Variants in AHRR observed in about 807,000 individuals in gnomAD.
AHRR encodes ahR repressor.
A neutral mutation model predicts 44.0 loss-of-function variants in AHRR; 28 were observed. That is an observed-to-expected ratio of 0.64 (90% CI 0.47 to 0.87). AHRR has a LOEUF of 0.87. Among genes scored for constraint, AHRR ranks in the 40% least tolerant of loss-of-function variants. AHRR has a pLI of 0.00. For missense variants in AHRR, 990 were observed against 953.9 expected, an observed-to-expected ratio of 1.04 and a Z score of -0.50; for synonymous variants, 434 against 407.0, an observed-to-expected ratio of 1.07 and a Z score of -0.80.
intron 8 of AHRR, among the ~76,000 whole-genome samples, chr5:428,655 T>C (rs939741924): frequency 6.6e-6 from 1 of 152,274 alleles, no homozygotes; most frequent in Admixed American, 6.5e-5. Context: ...TCACTATGCA[T>C]TTCATTTCTG....
chr5:367,885 C>T, intron 3 of AHRR: 1 of 702,580 alleles, frequency 1.4e-6, no homozygotes. Flanking sequence ...GTTCAGGAGG[C>T]CCCGAGCATT....
chr5:353,960 T>G (rs1742955381), intron 3 of AHRR, 49 bp downstream of exon 3: 1 of 1,558,828 alleles, frequency 6.4e-7, no homozygotes, highest in East Asian at 2.2e-5. Flanking sequence ...AGGCTGTGTC[T>G]CCCCTGAGTC....
At chr5:329,099 T>A (rs1406044556) in intron 1 of AHRR, among the ~76,000 whole-genome samples, 2 of 152,206 alleles carry the variant, frequency 1.3e-5, no homozygotes, top group African/African-American at 2.4e-5. Context: ...GATGGTTTGA[T>A]AAATGGTAGT....
rs76171166 is a variant in AHRR at position 424,010 on chromosome 5, G to A, written c.708+33G>A. 9,244 of 1,583,010 alleles carry A rather than the reference G, an allele frequency of 5.8e-3. 356 individuals are homozygous for A. In the African/African-American group the frequency reaches 0.094, roughly 16 times the overall value. On this transcript the variant is annotated intron_variant, in intron 7 of 10. Coordinates refer to ENST00000684583, the MANE Select transcript of AHRR (RefSeq NM_001377236.1). ...CGTGGGTCCCTGGCAGGGGGCTCCCGACATCTGGGATGCATTCTACCCTGG... is the reference window on the plus strand; with the variant it reads ...CGTGGGTCCCTGGCAGGGGGCTCCCAACATCTGGGATGCATTCTACCCTGG...
Position 338,232 on chromosome 5 carries a change from T to C in AHRR, c.-10-5661T>C, listed in dbSNP as rs1219154052. 2.0e-5 allele frequency among the ~76,000 whole-genome samples: 3 copies of C among 152,194 alleles called. No individual in the cohort carries two copies. Among genetic ancestry groups the C allele is most frequent in the Non-Finnish European group, 4.4e-5 (3 of 68,026 alleles). On this transcript the variant is annotated intron_variant, in intron 1 of 10. Transcript: ENST00000684583. The surrounding 1 kb of genome is among the most constrained non-coding windows in gnomAD (Gnocchi z 4.1). ...AACAAATTATGCATATTTCACCCTC[T>C]AGTAGTCAGTTCTTGCGCTTTTTGT...
At chr5:413,918 T>G (rs1276363675) in intron 5 of AHRR, among the ~76,000 whole-genome samples, 1 of 152,158 alleles carries the variant, frequency 6.6e-6, no homozygotes, top group African/African-American at 2.4e-5. Context: ...GGTTGAGGCC[T>G]CGTCAGATAC....
chr5:373,679 C>T (rs1387237901), intron 3 of AHRR, among the ~76,000 whole-genome samples: 5 of 151,672 alleles, frequency 3.3e-5, no homozygotes, highest in Non-Finnish European at 7.4e-5. Context: ...GGGGCGGACC[C>T]TCAGGTGGGA....
chr5:424,800 T>G (rs1481215249), intron 7 of AHRR, among the ~76,000 whole-genome samples: 2 of 152,174 alleles, frequency 1.3e-5, no homozygotes, highest in Non-Finnish European at 2.9e-5. Flanking sequence ...GGGTTTTCAC[T>G]TCTGCTATTT....
At chr5:403,695 T>TTTC (rs1553986319) in intron 4 of AHRR, 3 of 793,494 alleles carry the variant, frequency 3.8e-6, no homozygotes, top group East Asian at 5.0e-5. Context: ...TTTTTTTTTT[T>TTTC]ACTTTCTCTC....
rs1560888833 is a variant in AHRR at position 353,912 on chromosome 5, G to A, written c.244+1G>A. ...CTCCGGGTGAAGAGCTTCTTCCAAG[G>A]TAGGACTCTCACCTGCTCCCACCTG... On this transcript the variant is annotated splice_donor_variant, in intron 3 of 10. Coordinates refer to ENST00000684583, the MANE Select transcript of AHRR (RefSeq NM_001377236.1). LOFTEE classifies it high-confidence loss of function. The A allele has an allele frequency of 6.2e-7, 1 of 1,611,900 alleles. No individual in the cohort carries two copies. Among genetic ancestry groups the A allele is most frequent in the Non-Finnish European group, 8.5e-7 (1 of 1,178,718 alleles).
intron 4 of AHRR, among the ~76,000 whole-genome samples, chr5:403,151 T>A (rs985112533): frequency 4.6e-5 from 7 of 151,922 alleles, no homozygotes; most frequent in African/African-American, 1.7e-4. Context: ...TCAGATGAGG[T>A]CCCCAGTGTA....
At chr5:426,420 A>G (rs1351570985) in intron 7 of AHRR, among the ~76,000 whole-genome samples, 2 of 124,826 alleles carry the variant, frequency 1.6e-5, no homozygotes, top group Admixed American at 1.7e-4. Context: ...GGTTGGATAG[A>G]TGGGAAGATG....
intron 3 of AHRR, among the ~76,000 whole-genome samples, chr5:359,538 C>CAAA (rs1042773033): frequency 1.3e-5 from 2 of 152,184 alleles, no homozygotes; most frequent in Non-Finnish European, 2.9e-5. Context: ...GTACCAAAAA[C>CAAA]AAAGTAGGGA....
chr5:343,966 TA>T lies in AHRR; in HGVS notation c.62+5del, dbSNP rs749240530. On this transcript the variant is annotated splice_donor_region_variant and intron_variant, in intron 2 of 10. Coordinates refer to ENST00000684583, the MANE Select transcript of AHRR (RefSeq NM_001377236.1). ...GCGGAGGAGGCCCCTGCAGAAACAG[TA>T]AAGTATCCCGCCTTCTGCTTGTGTG... 1.3e-6 allele frequency: 2 copies of T among 1,595,194 alleles called. No individual in the cohort carries two copies. The highest frequency in any genetic ancestry group is 1.7e-4 in the Middle Eastern group (1 of 6,010).
intron 1 of AHRR, among the ~76,000 whole-genome samples, chr5:329,857 A>G (rs1466517059): frequency 6.6e-6 from 1 of 152,130 alleles, no homozygotes; most frequent in Admixed American, 6.6e-5. Context: ...CAAATCTAAG[A>G]GTTTTTTTGG....
chr5:385,468 C>T (rs2671906), intron 4 of AHRR, among the ~76,000 whole-genome samples: 2,140 of 152,284 alleles, frequency 0.014, 54 homozygotes, highest in African/African-American at 0.05. Context: ...AACCACCATG[C>T]CCAGCTTCGC....
intron 2 of AHRR, among the ~76,000 whole-genome samples, chr5:349,363 G>A (rs1488289845): frequency 6.6e-6 from 1 of 152,136 alleles, no homozygotes; most frequent in Non-Finnish European, 1.5e-5. Flanking sequence ...GGACCACAAG[G>A]TCAGGAGATC....
intron 5 of AHRR, among the ~76,000 whole-genome samples, chr5:415,679 G>A (rs1019193806): frequency 2.7e-5 from 4 of 149,608 alleles, no homozygotes; most frequent in South Asian, 2.1e-4. Flanking sequence ...CTGCCTGGTC[G>A]GGCGGGAGGC....
intron 1 of AHRR, among the ~76,000 whole-genome samples, chr5:336,247 A>C (rs967606522): frequency 6.6e-6 from 1 of 152,126 alleles, no homozygotes; most frequent in Non-Finnish European, 1.5e-5. Context: ...TCACCCTCTC[A>C]TACTGGGGAG....
Sources: allele counts gnomAD v4.1 joint callset (sites outside exome capture counted in the v4.1 genomes callset), GRCh38; gene constraint gnomAD v4.1.1; non-coding constraint Gnocchi (gnomAD v3.1); transcripts MANE v1.5; gene names NCBI Gene and HGNC (gene_info 2026-07-23, HGNC 2026-07-21).